The following DHX9 variants were observed in gnomAD, a reference collection of about 807,000 sequenced individuals.
DHX9 encodes DExH-box helicase 9, also known as ATP-dependent RNA helicase A.
Under a neutral mutation model 148.7 loss-of-function variants are expected in DHX9, and 27 were observed. The ratio of observed to expected loss-of-function variants is 0.18; its 90% CI spans 0.13 to 0.25. The LOEUF is 0.25. Among genes scored for constraint, DHX9 ranks in the 10% least tolerant of loss-of-function variants. The probability of loss-of-function intolerance (pLI) is 1.00; values close to 1 mark genes in which losing one functional copy is unlikely to be tolerated. For missense variants in DHX9, 796 were observed against 1,559.6 expected (o/e 0.51, Z 8.25); for synonymous variants, 529 against 516.6 (o/e 1.02, Z -0.33).
intron 16 of DHX9, chr1:182,875,233 A>G (rs1367415976): frequency 6.3e-6 from 3 of 477,452 alleles, no homozygotes; most frequent in African/African-American, 2.0e-5. Context: ...GTTAGGGACA[A>G]TGCTGTTGTA....
chr1:182,845,789 A>C (rs1294146362), intron 3 of DHX9, among the ~76,000 whole-genome samples: 1 of 152,222 alleles, frequency 6.6e-6, no homozygotes, highest in Non-Finnish European at 1.5e-5. Context: ...AGGAAAACCT[A>C]CATTTACCAG....
intron 6 of DHX9, chr1:182,855,799 T>C (rs1668240411): frequency 1.1e-6 from 1 of 919,830 alleles, no homozygotes; most frequent in Non-Finnish European, 1.3e-6. Flanking sequence ...CCACCAAGTC[T>C]AGGTTAGAAT....
chr1:182,848,525 T>A (rs1220056490), intron 3 of DHX9, among the ~76,000 whole-genome samples: 3 of 152,244 alleles, frequency 2.0e-5, no homozygotes, highest in Non-Finnish European at 4.4e-5. Context: ...TTCGTTGCTG[T>A]GTCTCCAACA....
chr1:182,872,627 C>A, intron 15 of DHX9, 134 bp downstream of exon 15: 4 of 1,006,990 alleles, frequency 4.0e-6, no homozygotes, highest in Non-Finnish European at 5.8e-6. Flanking sequence ...TGTATCATAG[C>A]ATTTTTGAGG....
At chr1:182,840,889 T>TAACAC in intron 1 of DHX9, among the ~76,000 whole-genome samples, 1 of 152,168 alleles carries the variant, frequency 6.6e-6, no homozygotes, top group Non-Finnish European at 1.5e-5. Flanking sequence ...GGTAGGGTGT[T>TAACAC]GGAACAGATT....
chr1:182,859,161 A>C, intron 11 of DHX9, 44 bp downstream of exon 11: 1 of 1,564,830 alleles, frequency 6.4e-7, no homozygotes, highest in Non-Finnish European at 8.8e-7. Context: ...GAGCTTCAGA[A>C]TGTTCTAGGT....
chr1:182,847,366 T>TTTTTG (rs201029206), intron 3 of DHX9, among the ~76,000 whole-genome samples: 13 of 152,328 alleles, frequency 8.5e-5, no homozygotes, highest in East Asian at 1.9e-4. Context: ...TGATTTGGTT[T>TTTTTG]TTTTGTTTTG....
chr1:182,854,957 G>A (rs1405843335), intron 6 of DHX9, among the ~76,000 whole-genome samples: 3 of 152,032 alleles, frequency 2.0e-5, no homozygotes, highest in African/African-American at 4.8e-5. Flanking sequence ...TTTGCTGTCC[G>A]TACTTATGAA....
At position 182,859,532 on chromosome 1, in the gene DHX9, A is replaced by T. The variant is rs78499440; in HGVS notation, c.1140+415A>T. 7.5e-4 allele frequency among the ~76,000 whole-genome samples: 114 copies of T among 152,330 alleles called. 1 individual carries two copies. In the East Asian group the frequency reaches 0.02, roughly 27 times the overall value. ...AGTTCTATTAGAGATATAAATATAC[A>T]CATTCTTTTTTGAAAAAAACATTTT... On this transcript the variant is annotated intron_variant, in intron 11 of 27. Transcript: ENST00000367549.
Position 182,885,356 on chromosome 1 carries a change from G to T in DHX9, c.3461+543G>T, listed in dbSNP as rs115580861. Among the ~76,000 whole-genome samples, 871 of 152,054 alleles carry T rather than the reference G, an allele frequency of 5.7e-3. 7 individuals are homozygous for T. The highest frequency in any genetic ancestry group is 0.018 in the African/African-American group (760 of 41,472). ...CATATACTTGATACTTACCAAAAAG[G>T]CAAGAAGAGTGATACAATGTATAGC... On this transcript the variant is annotated intron_variant, in intron 27 of 27. Coordinates refer to ENST00000367549, the MANE Select transcript of DHX9 (RefSeq NM_001357.5).
At chr1:182,856,624 A>G in intron 7 of DHX9, 46 bp downstream of exon 7, 1 of 1,553,272 alleles carries the variant, frequency 6.4e-7, no homozygotes, top group Admixed American at 1.7e-5. Flanking sequence ...TGTATAGAGA[A>G]GGAATCTTCA....
At chr1:182,874,537 C>T (rs1028266901) in intron 15 of DHX9, among the ~76,000 whole-genome samples, 1 of 152,132 alleles carries the variant, frequency 6.6e-6, no homozygotes, top group African/African-American at 2.4e-5. Context: ...ATTGAAGTTA[C>T]TTCTTTCCAT....
intron 1 of DHX9, 33 bp from the exon 2 acceptor site, chr1:182,842,512 A>T: frequency 7.5e-7 from 1 of 1,329,274 alleles, no homozygotes; most frequent in African/African-American, 1.5e-5. Context: ...TGCTATTATA[A>T]ATGCTGTTTT....
At chr1:182,876,325 A>G (rs1648758748) in intron 17 of DHX9, 62 bp downstream of exon 17, 1 of 1,586,784 alleles carries the variant, frequency 6.3e-7, no homozygotes, top group African/African-American at 1.4e-5. Flanking sequence ...CTAGTGCCTT[A>G]GCCAGTATGT....
chr1:182,884,970 A>G (rs989452298), intron 27 of DHX9, among the ~76,000 whole-genome samples, 157 bp downstream of exon 27: 2 of 152,202 alleles, frequency 1.3e-5, no homozygotes, highest in East Asian at 3.8e-4. Context: ...TCTGAGTTCT[A>G]ACATACTCAG....
chr1:182,860,689 T>G (rs777358798), intron 12 of DHX9, among the ~76,000 whole-genome samples: 4 of 152,210 alleles, frequency 2.6e-5, no homozygotes, highest in Non-Finnish European at 5.9e-5. Context: ...ATGCCCAAGG[T>G]TAACACAGAA....
intron 12 of DHX9, among the ~76,000 whole-genome samples, chr1:182,863,263 G>A (rs1013489037): frequency 2.6e-5 from 4 of 152,120 alleles, no homozygotes; most frequent in African/African-American, 9.7e-5. Context: ...TGGGAGTAAA[G>A]GAAATTTGAA....
At chr1:182,873,130 A>G (rs1648616581) in intron 15 of DHX9, among the ~76,000 whole-genome samples, 1 of 151,962 alleles carries the variant, frequency 6.6e-6, no homozygotes, top group East Asian at 1.9e-4. Flanking sequence ...TAATTTTTGT[A>G]TATTTTGTAG....
chr1:182,859,945 C>G (rs1265996131), intron 11 of DHX9, 48 bp from the exon 12 acceptor site: 1 of 1,557,588 alleles, frequency 6.4e-7, no homozygotes, highest in Non-Finnish European at 8.7e-7. Flanking sequence ...ACAGTTGCTT[C>G]TAATGTGTTG....
Sources: allele counts gnomAD v4.1 joint callset (sites outside exome capture counted in the v4.1 genomes callset), GRCh38; gene constraint gnomAD v4.1.1; transcripts MANE v1.5; gene names NCBI Gene and HGNC (gene_info 2026-07-23, HGNC 2026-07-21).